Variants in PARP4 observed in about 807,000 individuals in gnomAD.
PARP4 encodes the protein protein mono-ADP-ribosyltransferase PARP4.
PARP4 carries 120 observed loss-of-function variants against 187.7 expected under a neutral mutation model. The ratio of observed to expected loss-of-function variants is 0.64; its 90% CI spans 0.55 to 0.74. The LOEUF (loss-of-function observed/expected upper bound fraction) is 0.74. Among genes scored for constraint, PARP4 ranks in the 30% least tolerant of loss-of-function variants. PARP4 has a pLI of 0.00. For missense variants in PARP4, 1,836 were observed against 2,070.5 expected (o/e 0.89, Z 2.20); for synonymous variants, 654 against 740.9 (o/e 0.88, Z 1.90).
Position 24,452,497 on chromosome 13 carries a change from C to A in PARP4, c.2923G>T (p.Val975Leu). 1 of 1,614,104 alleles carries A rather than the reference C, an allele frequency of 6.2e-7. No individual in the cohort carries two copies. The highest frequency in any genetic ancestry group is 8.5e-7 in the Non-Finnish European group (1 of 1,179,982). ...PARGSRNILL[V>L]SDGHLQDESL... ...TCATCCTGGAGGTGCCCATCAGACA[C>A]CAGGAGGATGTTCCGTGACCCTCGA... Residue 975 changes from valine (V) to leucine (L), a missense_variant, in exon 24 of 34, where the codon GTG becomes TTG. Val to Leu is a conservative substitution (Grantham distance 32). Transcript: ENST00000381989.
chr13:24,453,589 T>C lies in PARP4; in HGVS notation c.2824A>G (p.Met942Val), dbSNP rs1353682886. 5 of 1,586,146 alleles carry C rather than the reference T, an allele frequency of 3.2e-6. No individual in the cohort carries two copies. The highest frequency in any genetic ancestry group is 1.7e-4 in the Middle Eastern group (1 of 6,044). The change falls in exon 23 of 34, where the codon ATG becomes GTG. Residue 942 changes from methionine to valine, a missense_variant and splice_region_variant. By Grantham distance (21) the Met-to-Val change is conservative (BLOSUM62 1). Transcript: ENST00000381989. ...TACAGGAAGCCTCTTGCACTCACCATGATGAACTCTGCTGCCATGGTATTG... is the reference window on the plus strand; with the variant it reads ...TACAGGAAGCCTCTTGCACTCACCACGATGAACTCTGCTGCCATGGTATTG... ...TSNTMAAEFI[M>V]SATPTMGNTD...
At chr13:24,494,463 G>A in intron 7 of PARP4, 110 bp downstream of exon 7, 1 of 953,382 alleles carries the variant, frequency 1.0e-6, no homozygotes, top group South Asian at 1.6e-5. Flanking sequence ...CAAACTGCTG[G>A]GATACAGGCA....
rs766743828 is a variant in PARP4, at chr13:24,452,408, G to C, written c.3012C>G (p.Ile1004Met). The change falls in exon 24 of 34, where the codon ATC becomes ATG. Residue 1004 changes from isoleucine to methionine, a missense_variant and splice_region_variant. Coordinates refer to ENST00000381989, the MANE Select transcript of PARP4 (RefSeq NM_006437.4). ...GTGACCAGCTCTCTGAGACTCACCC[G>C]ATACCGCAGGCGAATAACCTGGTGT... ...RPHTRLFACG[I>M]GSTANRHVLR... is the part of the protein sequence containing the mutation. 3.7e-6 allele frequency: 6 copies of C among 1,610,810 alleles called. No homozygotes were observed. Among genetic ancestry groups the C allele is most frequent in the Non-Finnish European group, 5.1e-6 (6 of 1,178,740 alleles).
rs751158360 is a variant in PARP4 at position 24,459,992 on chromosome 13, C to T, written c.2278G>A (p.Ala760Thr). 3 of 1,614,006 alleles carry T rather than the reference C, an allele frequency of 1.9e-6. No individual in the cohort carries two copies. Among genetic ancestry groups the T allele is most frequent in the Non-Finnish European group, 2.5e-6 (3 of 1,179,976 alleles). Residue 760 changes from alanine (A) to threonine (T), a missense_variant, in exon 18 of 34, where the codon GCT (alanine) becomes ACT (threonine). Ala to Thr is a moderately conservative substitution (Grantham distance 58). Transcript: ENST00000381989. ...CAAACCTGAAGGTTTTCATTCAAAG[C>T]CTTGTCCTGTTGCCAGGGTGCTACG... ...ATVAPWQQDKALNENLQDTVE... is the reference protein window; with the variant it reads ...ATVAPWQQDKTLNENLQDTVE...
At chr13:24,505,923 T>C (rs1869624133) in intron 1 of PARP4, among the ~76,000 whole-genome samples, 1 of 152,246 alleles carries the variant, frequency 6.6e-6, no homozygotes, top group African/African-American at 2.4e-5. Flanking sequence ...GTCTTGGGAC[T>C]AAGCTGAGTT....
chr13:24,495,667 T>C (rs1050867786), intron 6 of PARP4, among the ~76,000 whole-genome samples: 7 of 152,252 alleles, frequency 4.6e-5, no homozygotes, highest in Non-Finnish European at 1.0e-4. Flanking sequence ...TTGTAGGTGT[T>C]GGTTGAGCCC....
chr13:24,472,369 T>C (rs113101324), intron 15 of PARP4, among the ~76,000 whole-genome samples: 6 of 152,300 alleles, frequency 3.9e-5, no homozygotes, highest in African/African-American at 1.4e-4. Flanking sequence ...CTTGAGGATG[T>C]GTGTATGGGT....
intron 30 of PARP4, 36 bp from the exon 31 acceptor site, chr13:24,435,510 AAC>A: frequency 6.6e-7 from 1 of 1,524,178 alleles, no homozygotes; most frequent in South Asian, 1.3e-5. Flanking sequence ...GTAAGGGGAA[AAC>A]ACAGAATAAA....
intron 25 of PARP4, 102 bp from the exon 26 acceptor site, chr13:24,447,288 TAA>T: frequency 1.4e-6 from 1 of 692,210 alleles, no homozygotes; most frequent in Non-Finnish European, 2.0e-6. Flanking sequence ...GGGAATTTTA[TAA>T]CTCTGGTATT....
chr13:24,492,341 A>T, intron 9 of PARP4, 80 bp downstream of exon 9: 1 of 938,652 alleles, frequency 1.1e-6, no homozygotes, highest in Non-Finnish European at 1.6e-6. Flanking sequence ...ATTCAGTGTT[A>T]CCTCATTCAT....
At chr13:24,445,870 C>T (rs150367174) in intron 27 of PARP4, among the ~76,000 whole-genome samples, 208 of 152,236 alleles carry the variant, frequency 1.4e-3, no homozygotes, top group African/African-American at 4.9e-3. Flanking sequence ...TGGGACTGAG[C>T]CCTCAACTCT....
At chr13:24,428,693 G>A (rs562955754) in intron 32 of PARP4, among the ~76,000 whole-genome samples, 5 of 152,224 alleles carry the variant, frequency 3.3e-5, no homozygotes, top group East Asian at 1.9e-4. Flanking sequence ...GGCTGGTCTC[G>A]AAATCCTGAG....
chr13:24,492,222 G>A (rs1868692931), intron 9 of PARP4, among the ~76,000 whole-genome samples, 199 bp downstream of exon 9: 1 of 152,180 alleles, frequency 6.6e-6, no homozygotes, highest in Non-Finnish European at 1.5e-5. Context: ...ATGTCACTGT[G>A]CCAACATATT....
intron 30 of PARP4, among the ~76,000 whole-genome samples, chr13:24,438,760 C>T (rs1302420399): frequency 6.6e-6 from 1 of 152,122 alleles, no homozygotes; most frequent in East Asian, 1.9e-4. Context: ...GGTCTCATTT[C>T]ACAATGAAGA....
In PARP4 at chr13:24,469,905, T is replaced by C. The variant is rs1872658295; in HGVS notation, c.2035A>G (p.Ile679Val). The change falls in exon 16 of 34, where the codon ATA becomes GTA. Residue 679 changes from isoleucine to valine, a missense_variant. Around this residue, in one of 8 missense-constraint regions of PARP4, gnomAD observed 1,147 missense variants for 1,214.2 expected, o/e 0.94. Transcript: ENST00000381989. ...TCTTCTTGCCTTACCTCTCCAACTA[T>C]GTGCTTCCCATTGATGAAGGCTTCG... ...GFEAFINGKH[I>V]VGEIKEKEEA... is the part of the protein sequence containing the mutation. 3 of 1,613,646 alleles carry C rather than the reference T, an allele frequency of 1.9e-6. No individual in the cohort carries two copies. Among genetic ancestry groups the C allele is most frequent in the African/African-American group, 2.7e-5 (2 of 75,028 alleles).
chr13:24,468,010 A>T (rs1872558168), intron 17 of PARP4, among the ~76,000 whole-genome samples: 1 of 151,996 alleles, frequency 6.6e-6, no homozygotes, highest in Non-Finnish European at 1.5e-5. Flanking sequence ...CCCTTTGTCT[A>T]TATTAATCTT....
chr13:24,492,095 G>A (rs1868684900), intron 9 of PARP4, among the ~76,000 whole-genome samples: 1 of 152,214 alleles, frequency 6.6e-6, no homozygotes, highest in Non-Finnish European at 1.5e-5. Flanking sequence ...GAACGTAAAT[G>A]TCCTTATCGT....
At chr13:24,466,098 A>G (rs1872454149) in intron 17 of PARP4, among the ~76,000 whole-genome samples, 1 of 152,266 alleles carries the variant, frequency 6.6e-6, no homozygotes, top group African/African-American at 2.4e-5. Flanking sequence ...ATTTTATTTT[A>G]TATTTAAATG....
chr13:24,429,283 T>C (rs1439520124), intron 32 of PARP4, among the ~76,000 whole-genome samples: 1 of 152,250 alleles, frequency 6.6e-6, no homozygotes, highest in Non-Finnish European at 1.5e-5. Context: ...TTAAAGTCTG[T>C]GTCTGCTAAT....
Sources: gnomAD v4.1 joint callset for allele counts (sites outside exome capture counted in the v4.1 genomes callset) on GRCh38, gnomAD v4.1.1 for gene constraint, gnomAD v4.1.1 regional missense constraint, MANE v1.5 for transcripts, NCBI Gene and HGNC (gene_info 2026-07-23, HGNC 2026-07-21) for gene names.